Variants in ALOX12B observed in about 807,000 individuals in gnomAD.
ALOX12B encodes arachidonate 12-lipoxygenase, 12R-type.
ALOX12B carries 47 observed loss-of-function variants against 78.9 expected under a neutral mutation model. The ratio of observed to expected loss-of-function variants is 0.60; its 90% CI spans 0.47 to 0.76. The LOEUF (loss-of-function observed/expected upper bound fraction) is 0.76, where lower values mean the gene tolerates loss of function less well. Among genes scored for constraint, ALOX12B ranks in the 30% least tolerant of loss-of-function variants. ALOX12B has a pLI of 0.00. For synonymous variants in ALOX12B, 370 were observed against 374.5 expected, an observed-to-expected ratio of 0.99 and a Z score of 0.14; for missense variants, 805 against 922.6, an observed-to-expected ratio of 0.87 and a Z score of 1.65.
At position 8,078,125 on chromosome 17, in the gene ALOX12B, T is replaced by A. The variant is rs1977126490; in HGVS notation, c.1072-932A>T. Among the ~76,000 whole-genome samples the A allele has an allele frequency of 3.6e-5, 5 of 137,260 alleles. No individual in the cohort carries two copies. In the South Asian group the frequency reaches 1.1e-3, roughly 31 times the overall value. The allele number at this position is 137,260 out of a possible 152,430, so 90.0% of individuals were successfully genotyped here. On this transcript the variant is annotated intron_variant, in intron 8 of 14. Transcript: ENST00000647874. ...ATCTATTTTATTTCATTTTATTTATTTATTTATTTATTTATTTATTTATTT... is the reference window on the plus strand; with the variant it reads ...ATCTATTTTATTTCATTTTATTTATATATTTATTTATTTATTTATTTATTT...
At chr17:8,076,534 A>G in intron 10 of ALOX12B, 123 bp downstream of exon 10, 1 of 1,312,598 alleles carries the variant, frequency 7.6e-7, no homozygotes, top group Non-Finnish European at 1.1e-6. Context: ...AACTTCATCC[A>G]GCTCCCTCCC....
chr17:8,079,475 C>A lies in ALOX12B; in HGVS notation c.992G>T (p.Gly331Val). The part of the protein sequence containing the change: ...MEGIPTVELS[G>V]RKQHHCAPLC... The stretch of plus-strand genomic sequence containing the variant: ...GGGGGCGCAGTGGTGCTGCTTCCGG[C>A]CGCTGAGCTCCACGGTGGGGATGCC... Residue 331 changes from glycine to valine, a missense_variant, in exon 8 of 15, where the codon GGC becomes GTC. Gly to Val is a moderately radical substitution (Grantham distance 109, BLOSUM62 -3). Coordinates refer to ENST00000647874, the MANE Select transcript of ALOX12B (RefSeq NM_001139.3). The surrounding 1 kb of genome is among the most constrained non-coding windows in gnomAD (Gnocchi z 6.4). The A allele has an allele frequency of 6.4e-7, 1 of 1,550,968 alleles. No individual in the cohort carries two copies. The highest frequency in any genetic ancestry group is 8.7e-7 in the Non-Finnish European group (1 of 1,146,934).
chr17:8,086,089 G>T lies in ALOX12B; in HGVS notation c.279C>A (p.Asn93Lys). The T allele has an allele frequency of 1.2e-6, 2 of 1,614,162 alleles. No individual in the cohort carries two copies. The change falls in exon 2 of 15, where the codon AAC becomes AAA. Residue 93 changes from asparagine to lysine, a missense_variant. Asn to Lys is a moderately conservative substitution (Grantham distance 94). Transcript: ENST00000647874. ...YCNYVQICAP[N>K]GRIYHFPAYQ... ...AGGCGGGGAAGTGGTAGATACGGCC[G>T]TTGGGGGCACAGATCTGCACATAGT...
chr17:8,073,344 C>G (rs770278211), intron 13 of ALOX12B, 26 bp from the exon 14 acceptor site: 51 of 1,613,708 alleles, frequency 3.2e-5, no homozygotes, highest in Non-Finnish European at 4.1e-5. Flanking sequence ...AGGCGCGGGT[C>G]TGGGTGGAAG....
intron 12 of ALOX12B, 30 bp downstream of exon 12, chr17:8,075,565 C>T: frequency 6.2e-7 from 1 of 1,613,656 alleles, no homozygotes; most frequent in South Asian, 1.1e-5. Context: ...TCCCAGCTCC[C>T]CCTGATTGCC....
chr17:8,074,933 G>A (rs1020118316), intron 12 of ALOX12B, among the ~76,000 whole-genome samples: 6 of 152,212 alleles, frequency 3.9e-5, no homozygotes, highest in African/African-American at 1.4e-4. Context: ...TTAGCTAGAT[G>A]TTAGCCAAGA....
In ALOX12B at chr17:8,073,750, A is replaced by C; in HGVS notation, c.1662T>G (p.Pro554=). ...GCTCAGGCACGGTTCGCAAGCACCTAGGGAAGCCTGACCGGCGGGGGAAAA... is the reference window on the plus strand; with the variant it reads ...GCTCAGGCACGGTTCGCAAGCACCTCGGGAAGCCTGACCGGCGGGGGAAAA... ...CLLGRESSGF[P]RCLRTVPELI... The change falls in exon 13 of 15, where the codon CCT becomes CCG. Residue 554 remains proline (P), a synonymous_variant. Transcript: ENST00000647874. 1 of 1,613,930 alleles carries C rather than the reference A, an allele frequency of 6.2e-7. No homozygotes were observed. The highest frequency in any genetic ancestry group is 8.5e-7 in the Non-Finnish European group (1 of 1,179,900).
chr17:8,073,814 C>T (rs571659729), intron 12 of ALOX12B, 57 bp from the exon 13 acceptor site: 2 of 1,372,114 alleles, frequency 1.5e-6, no homozygotes, highest in South Asian at 1.2e-5. Flanking sequence ...ACTGGCTGCC[C>T]GGCAGAGGGC....
chr17:8,079,339 G>T lies in ALOX12B; in HGVS notation c.1071+57C>A. 1 of 1,546,292 alleles carries T rather than the reference G, an allele frequency of 6.5e-7. No homozygotes were observed. Among genetic ancestry groups the T allele is most frequent in the Non-Finnish European group, 8.7e-7 (1 of 1,145,200 alleles). On this transcript the variant is annotated intron_variant, in intron 8 of 14. Transcript: ENST00000647874. The surrounding 1 kb of genome is among the most constrained non-coding windows in gnomAD (Gnocchi z 6.4). ...CGCTCACATAAGCGCGCGCACACTCGGAGGAGCATTCGCGCACACAGAGGC... is the reference window on the plus strand; with the variant it reads ...CGCTCACATAAGCGCGCGCACACTCTGAGGAGCATTCGCGCACACAGAGGC...
rs1375034721 is a variant in ALOX12B, at chr17:8,080,505, G to A, written c.650+153C>T. 7.1e-7 allele frequency: 1 copy of A among 1,406,040 alleles called. No individual in the cohort carries two copies. 87.1% of individuals were successfully genotyped at this position (1,406,040 alleles called of 1,614,324 possible). ...GATCTTTGCATCTCTAGGTCTCTGG[G>A]ATCATGTCTCAGGTTTTCTGGGTCT... On this transcript the variant is annotated intron_variant, in intron 5 of 14. Coordinates refer to ENST00000647874, the MANE Select transcript of ALOX12B (RefSeq NM_001139.3). The surrounding 1 kb of genome is among the most constrained non-coding windows in gnomAD (Gnocchi z 4.8).
At chr17:8,073,866 C>A in intron 12 of ALOX12B, 109 bp from the exon 13 acceptor site, 1 of 865,774 alleles carries the variant, frequency 1.2e-6, no homozygotes, top group South Asian at 1.4e-5. Context: ...AAGCTTCAAG[C>A]TGCCGCATCC....
In ALOX12B at chr17:8,076,292, G is replaced by A. The variant is rs781269323; in HGVS notation, c.1415C>T (p.Ser472Leu). ...GTAGAGGCTGTCATAGGTGAGCTCCGACAGAGCCCGTACCATCACCCCAGC... is the reference window on the plus strand; with the variant it reads ...GTAGAGGCTGTCATAGGTGAGCTCCAACAGAGCCCGTACCATCACCCCAGC... ...GFAGVMVRAL[S>L]ELTYDSLYLP... The change falls in exon 11 of 15, where the codon TCG becomes TTG. Residue 472 changes from serine to leucine, a missense_variant. By Grantham distance (145) the Ser-to-Leu change is moderately radical. Transcript: ENST00000647874. The A allele has an allele frequency of 9.3e-6, 15 of 1,613,152 alleles. No individual in the cohort carries two copies. Among genetic ancestry groups the A allele is most frequent in the African/African-American group, 6.7e-5 (5 of 74,882 alleles).
At chr17:8,078,834 C>T (rs953505874) in intron 8 of ALOX12B, among the ~76,000 whole-genome samples, 4 of 148,590 alleles carry the variant, frequency 2.7e-5, no homozygotes, top group African/African-American at 7.4e-5. Flanking sequence ...GACGCGGTGG[C>T]TCACGCCTGT....
Position 8,080,223 on chromosome 17 carries a change from CCCATTCCATA to C in ALOX12B, c.754+2_754+11del. 1 of 1,612,948 alleles carries C rather than the reference CCCATTCCATA, an allele frequency of 6.2e-7. No individual in the cohort carries two copies. The highest frequency in any genetic ancestry group is 8.5e-7 in the Non-Finnish European group (1 of 1,178,872). ...GCTCCCCCTGCTCGATCCGGGACGCCCCATTCCATACCGGAGACGACAGATTTCTTGCCAG... is the reference window on the plus strand; with the variant it reads ...GCTCCCCCTGCTCGATCCGGGACGCCCCGGAGACGACAGATTTCTTGCCAG... On this transcript the variant is annotated splice_donor_variant and splice_donor_5th_base_variant and intron_variant, in intron 6 of 14. Coordinates refer to ENST00000647874, the MANE Select transcript of ALOX12B (RefSeq NM_001139.3). LOFTEE classifies it high-confidence loss of function. This position sits in a 1 kb window ranked among gnomAD's most constrained non-coding sequence, Gnocchi z 4.8.
rs374987488 is a variant in ALOX12B, at chr17:8,079,096, A to G, written c.1071+300T>C. 6.2e-4 allele frequency among the ~76,000 whole-genome samples: 94 copies of G among 151,866 alleles called. No homozygotes were observed. The South Asian group carries it at 0.016, about 26-fold the overall frequency. ...GTATTTTTAGTAGAGACGGGGTTTC[A>G]CCGTGTTAGCCAGGATGGTCTCGAT... On this transcript the variant is annotated intron_variant, in intron 8 of 14. Coordinates refer to ENST00000647874, the MANE Select transcript of ALOX12B (RefSeq NM_001139.3). This position sits in a 1 kb window ranked among gnomAD's most constrained non-coding sequence, Gnocchi z 6.4.
At chr17:8,076,820 C>T (rs1456803795) in intron 9 of ALOX12B, 77 bp from the exon 10 acceptor site, 98 of 1,482,272 alleles carry the variant, frequency 6.6e-5, no homozygotes, top group African/African-American at 9.8e-5. Flanking sequence ...ATTTCTGTAA[C>T]GTCAGATCTG....
At chr17:8,073,351 G>A (rs968331720) in intron 13 of ALOX12B, 33 bp from the exon 14 acceptor site, 2 of 1,613,464 alleles carry the variant, frequency 1.2e-6, no homozygotes, top group Non-Finnish European at 1.7e-6. Context: ...GGTCTGGGTG[G>A]AAGAGTACCT....
chr17:8,078,114 A>ATTTT (rs1977125242), intron 8 of ALOX12B, among the ~76,000 whole-genome samples: 2 of 141,032 alleles, frequency 1.4e-5, no homozygotes, highest in African/African-American at 2.6e-5. Context: ...ATTTTATTTC[A>ATTTT]TTTTATTTAT....
At chr17:8,084,364 G>A (rs1218772619) in intron 2 of ALOX12B, among the ~76,000 whole-genome samples, 2 of 152,102 alleles carry the variant, frequency 1.3e-5, no homozygotes, top group Non-Finnish European at 2.9e-5. Context: ...TATTCTGGAT[G>A]AACAGTGCTC....
Sources: gnomAD v4.1 joint callset for allele counts (sites outside exome capture counted in the v4.1 genomes callset) on GRCh38, gnomAD v4.1.1 for gene constraint, Gnocchi (gnomAD v3.1) non-coding constraint, MANE v1.5 for transcripts, NCBI Gene and HGNC (gene_info 2026-07-23, HGNC 2026-07-21) for gene names.